KIAA0586: variants seen among roughly 807,000 people sequenced by gnomAD.
KIAA0586 encodes the protein protein TALPID3.
KIAA0586 carries 144 observed loss-of-function variants against 169.8 expected under a neutral mutation model. The ratio of observed to expected loss-of-function variants is 0.85; its 90% CI spans 0.74 to 0.97. The LOEUF is 0.97. Ranked by LOEUF, KIAA0586 falls within the 50% of genes least tolerant of loss-of-function variation. The pLI is 0.00. For missense variants in KIAA0586, 1,854 were observed against 1,823.0 expected (o/e 1.02, Z -0.31); for synonymous variants, 625 against 612.4 (o/e 1.02, Z -0.30).
At chr14:58,461,653 G>T (rs2040332648) in intron 14 of KIAA0586, among the ~76,000 whole-genome samples, 1 of 152,052 alleles carries the variant, frequency 6.6e-6, no homozygotes, top group Non-Finnish European at 1.5e-5. Context: ...CCCACAGTGG[G>T]TGATGATGAA....
At chr14:58,489,071 C>T (rs1316334504) in intron 24 of KIAA0586, among the ~76,000 whole-genome samples, 197 bp downstream of exon 24, 1 of 152,030 alleles carries the variant, frequency 6.6e-6, no homozygotes, top group African/African-American at 2.4e-5. Flanking sequence ...ATAATCCCAC[C>T]CTCCAGAAAT....
chr14:58,523,742 A>G (rs1479256708), intron 29 of KIAA0586, among the ~76,000 whole-genome samples: 2 of 150,792 alleles, frequency 1.3e-5, no homozygotes, highest in African/African-American at 4.9e-5. Context: ...TATTATTATT[A>G]TTATTGAGAT....
chr14:58,504,835 G>A (rs1353171097), intron 27 of KIAA0586, among the ~76,000 whole-genome samples: 4 of 152,042 alleles, frequency 2.6e-5, no homozygotes, highest in Non-Finnish European at 4.4e-5. Context: ...CCTGTCATGT[G>A]TACTCTCTAT....
At chr14:58,455,035 T>G (rs971520537) in intron 9 of KIAA0586, among the ~76,000 whole-genome samples, 2 of 152,174 alleles carry the variant, frequency 1.3e-5, no homozygotes, top group African/African-American at 4.8e-5. Context: ...TCCCCAATTA[T>G]CCTCATATTC....
chr14:58,469,411 G>A (rs1348483785), intron 16 of KIAA0586, among the ~76,000 whole-genome samples: 1 of 152,260 alleles, frequency 6.6e-6, no homozygotes, highest in East Asian at 1.9e-4. Context: ...CAGTCTTTGG[G>A]CATCCTTCTG....
chr14:58,438,153 TAAA>T (rs975437227), intron 4 of KIAA0586, among the ~76,000 whole-genome samples: 6 of 152,122 alleles, frequency 3.9e-5, no homozygotes, highest in Admixed American at 3.3e-4. Context: ...AAAAACTGGC[TAAA>T]AAAGAAGACT....
intron 22 of KIAA0586, 54 bp from the exon 23 acceptor site, chr14:58,487,833 G>A: frequency 8.6e-7 from 1 of 1,161,176 alleles, no homozygotes; most frequent in Non-Finnish European, 1.3e-6. Context: ...GCCATCCTAT[G>A]GAGTTCTTTA....
chr14:58,526,115 G>A (rs1038029946), intron 29 of KIAA0586, among the ~76,000 whole-genome samples: 5 of 152,226 alleles, frequency 3.3e-5, no homozygotes, highest in Non-Finnish European at 2.9e-5. Flanking sequence ...CTGTGGGAAG[G>A]GGCGGCTGTG....
At position 58,512,607 on chromosome 14, in the gene KIAA0586, T is replaced by C. The variant is rs1254320575; in HGVS notation, c.4409T>C (p.Ile1470Thr). ...CTACGTGTTAGAAATAAATCTGATATTGCACCTTCACAGCAACAAGGTAAG... is the reference window on the plus strand; with the variant it reads ...CTACGTGTTAGAAATAAATCTGATACTGCACCTTCACAGCAACAAGGTAAG... ...SYLRVRNKSD[I>T]APSQQQVSPG... Residue 1470 changes from isoleucine to threonine, a missense_variant, in exon 29 of 31, where the codon ATT becomes ACT. Transcript: ENST00000652326. 6.6e-7 allele frequency: 1 copy of C among 1,517,142 alleles called. No homozygotes were observed. Among genetic ancestry groups the C allele is most frequent in the African/African-American group, 1.4e-5 (1 of 69,394 alleles). The allele number at this position is 1,517,142 out of a possible 1,614,324, so 94.0% of individuals were successfully genotyped here. A position where few individuals can be genotyped will look rare whatever the true frequency, so the allele number is the denominator to read the frequency against.
At chr14:58,457,618 T>A (rs1770185934) in intron 10 of KIAA0586, 141 bp from the exon 11 acceptor site, 3 of 592,606 alleles carry the variant, frequency 5.1e-6, no homozygotes, top group Non-Finnish European at 3.0e-6. Context: ...CCAAGTATTC[T>A]TTTGTAAGTC....
In KIAA0586 at chr14:58,431,206, A is replaced by G. The variant is rs373122020; in HGVS notation, c.340+489A>G. Among the ~76,000 whole-genome samples, 132 of 152,332 alleles carry G rather than the reference A, an allele frequency of 8.7e-4. 1 individual carries two copies. The highest frequency in any genetic ancestry group is 6.8e-3 in the Middle Eastern group (2 of 294). On this transcript the variant is annotated intron_variant, in intron 3 of 30. Transcript: ENST00000652326. ...TATAAAATCCAGAATAAGGTTTGCA[A>G]TGGTGAAGGTTATCTTGTTATTACC...
At chr14:58,446,513 G>GTA (rs1433662692) in intron 6 of KIAA0586, among the ~76,000 whole-genome samples, 3 of 151,402 alleles carry the variant, frequency 2.0e-5, no homozygotes, top group Non-Finnish European at 3.0e-5. Context: ...AACAACAAAT[G>GTA]TATATATATG....
At chr14:58,441,190 C>CTTTTTTTTTTTTTT (rs71107949) in intron 4 of KIAA0586, 2 of 158,026 alleles carry the variant, frequency 1.3e-5, no homozygotes, top group Non-Finnish European at 2.6e-5. Flanking sequence ...TCTTACAATT[C>CTTTTTTTTTTTTTT]TTTTTTTTTT....
At chr14:58,438,946 T>A (rs1475027162) in intron 4 of KIAA0586, among the ~76,000 whole-genome samples, 2 of 152,172 alleles carry the variant, frequency 1.3e-5, no homozygotes, top group Non-Finnish European at 2.9e-5. Flanking sequence ...GATTTTTGAA[T>A]GGTGACGTGT....
chr14:58,509,296 A>G (rs913854829), intron 28 of KIAA0586, among the ~76,000 whole-genome samples: 6 of 152,218 alleles, frequency 3.9e-5, no homozygotes, highest in Admixed American at 6.5e-5. Context: ...ACATCTCTGT[A>G]TCTGCATGCA....
chr14:58,482,489 C>T (rs564033986), intron 20 of KIAA0586, 24 bp from the exon 21 acceptor site: 41 of 1,424,566 alleles, frequency 2.9e-5, no homozygotes, highest in Non-Finnish European at 3.8e-5. Flanking sequence ...CCCACTTATT[C>T]TGATTTTTTT....
rs754305844 is a variant in KIAA0586, at chr14:58,535,974, TGTAA to T, written c.4430-4093_4430-4090del. On this transcript the variant is annotated intron_variant, in intron 29 of 30. Transcript: ENST00000652326. ...AAATAATACTATAAAGATTTACAAA[TGTAA>T]GTATTACTATACCAGTGACTCTTAC... 5.3e-5 allele frequency among the ~76,000 whole-genome samples: 8 copies of T among 152,252 alleles called. No homozygotes were observed. The East Asian group carries it at 1.2e-3, about 22-fold the overall frequency.
intron 27 of KIAA0586, among the ~76,000 whole-genome samples, chr14:58,505,274 A>T (rs939753509): frequency 6.6e-6 from 1 of 152,130 alleles, no homozygotes; most frequent in African/African-American, 2.4e-5. Flanking sequence ...ATTCCAGGTC[A>T]ACCGGTATTA....
chr14:58,518,760 C>T (rs947369139), intron 29 of KIAA0586, among the ~76,000 whole-genome samples: 3 of 152,164 alleles, frequency 2.0e-5, no homozygotes, highest in African/African-American at 4.8e-5. Context: ...ACTGAACCTC[C>T]GATTGAAAAC....
Sources: allele counts gnomAD v4.1 joint callset (sites outside exome capture counted in the v4.1 genomes callset), GRCh38; gene constraint gnomAD v4.1.1; transcripts MANE v1.5; gene names NCBI Gene and HGNC (gene_info 2026-07-23, HGNC 2026-07-21).